Variants in SOX6 observed in about 807,000 individuals in gnomAD.
SOX6 encodes the protein SRY-box transcription factor 6, also known as transcription factor SOX-6.
A neutral mutation model predicts 97.8 loss-of-function variants in SOX6; 11 were observed. The ratio of observed to expected loss-of-function variants is 0.11; its 90% confidence interval spans 0.07 to 0.19. The LOEUF (loss-of-function observed/expected upper bound fraction) is 0.19. SOX6 is among the 10% of genes least tolerant of loss of function. SOX6 has a pLI of 1.00. For missense variants in SOX6, 810 were observed against 1,039.5 expected (o/e 0.78, Z 3.04); for synonymous variants, 360 against 371.4 (o/e 0.97, Z 0.35).
At chr11:16,072,439 G>C (rs1229050004) in intron 9 of SOX6, among the ~76,000 whole-genome samples, 1 of 152,070 alleles carries the variant, frequency 6.6e-6, no homozygotes, top group Non-Finnish European at 1.5e-5. Context: ...CAAGAAATAT[G>C]GGATTATGTA....
At chr11:16,513,940 T>C (rs1303639347) in intron 4 of SOX6, among the ~76,000 whole-genome samples, 1 of 151,548 alleles carries the variant, frequency 6.6e-6, no homozygotes. Context: ...TGCAAACTGT[T>C]GGGATTACAC....
chr11:16,154,324 A>G (rs1850541254), intron 6 of SOX6, among the ~76,000 whole-genome samples: 1 of 152,222 alleles, frequency 6.6e-6, no homozygotes. Flanking sequence ...AACAATCATT[A>G]CAATAGAATA....
chr11:16,727,647 A>G (rs986072543), intron 2 of SOX6, among the ~76,000 whole-genome samples: 1 of 151,448 alleles, frequency 6.6e-6, no homozygotes, highest in Non-Finnish European at 1.5e-5. Flanking sequence ...CATCTTGGCC[A>G]GGCTGGTCTC....
intron 3 of SOX6, among the ~76,000 whole-genome samples, chr11:16,306,612 TTTTTTTTTTTTTTTC>T (rs1855442254): frequency 8.4e-6 from 1 of 118,698 alleles, no homozygotes. Context: ...CTCAAATTTC[TTTTTTTTTTTTTTTC>T]TTTTTTTTTT....
At chr11:16,081,983 T>C (rs1464094261) in intron 9 of SOX6, among the ~76,000 whole-genome samples, 1 of 152,190 alleles carries the variant, frequency 6.6e-6, no homozygotes, top group Non-Finnish European at 1.5e-5. Flanking sequence ...AGAGCCTGAT[T>C]AGGTTCCCAC....
chr11:16,431,504 GCTCTCTGGGAAT>G (rs1049371937), intron 1 of SOX6, among the ~76,000 whole-genome samples: 7 of 152,014 alleles, frequency 4.6e-5, no homozygotes, highest in Admixed American at 3.9e-4. Flanking sequence ...ACATCCCAAT[GCTCTCTGGGAAT>G]TTCTGGCCAA....
chr11:16,515,233 G>T (rs551926621), intron 4 of SOX6, among the ~76,000 whole-genome samples: 3 of 152,120 alleles, frequency 2.0e-5, no homozygotes, highest in African/African-American at 4.8e-5. Flanking sequence ...TTTAATGATC[G>T]CCACTTTAAC....
At chr11:16,155,234 A>T (rs1850566814) in intron 6 of SOX6, among the ~76,000 whole-genome samples, 1 of 152,128 alleles carries the variant, frequency 6.6e-6, no homozygotes, top group Non-Finnish European at 1.5e-5. Context: ...GAGAGGCAGC[A>T]GAGTGTAGTG....
chr11:16,723,051 A>G (rs1388870348), intron 2 of SOX6, among the ~76,000 whole-genome samples: 1 of 152,254 alleles, frequency 6.6e-6, no homozygotes, highest in East Asian at 1.9e-4. Flanking sequence ...TACTATTCAC[A>G]GTAGCAAAGA....
chr11:16,664,362 G>A (rs925821825), intron 3 of SOX6, among the ~76,000 whole-genome samples: 2 of 152,186 alleles, frequency 1.3e-5, no homozygotes, highest in African/African-American at 4.8e-5. Flanking sequence ...ACAAGGAGTG[G>A]AGAAAGAATC....
intron 3 of SOX6, among the ~76,000 whole-genome samples, chr11:16,286,453 CT>C (rs1012474532): frequency 2.0e-5 from 3 of 152,096 alleles, no homozygotes; most frequent in Admixed American, 6.6e-5. Context: ...TAATATATAA[CT>C]AAGAGATACA....
chr11:16,356,002 C>T (rs1857063062), intron 1 of SOX6, among the ~76,000 whole-genome samples, 92 bp downstream of exon 1: 1 of 151,938 alleles, frequency 6.6e-6, no homozygotes, highest in East Asian at 1.9e-4. Flanking sequence ...CATCATCCCA[C>T]CCAATCAGGT....
intron 9 of SOX6, among the ~76,000 whole-genome samples, chr11:16,092,408 G>A (rs1848711283): frequency 1.3e-5 from 2 of 151,954 alleles, no homozygotes; most frequent in Admixed American, 6.6e-5. Context: ...CATTAAGACT[G>A]GCAGTGCCGC....
At chr11:16,527,943 C>T (rs1861191862) in intron 4 of SOX6, among the ~76,000 whole-genome samples, 1 of 152,036 alleles carries the variant, frequency 6.6e-6, no homozygotes, top group Admixed American at 6.6e-5. Context: ...ACATAACAAC[C>T]TCAAAATCTT....
chr11:16,302,031 T>A (rs2134275084), intron 3 of SOX6, among the ~76,000 whole-genome samples: 1 of 152,182 alleles, frequency 6.6e-6, no homozygotes, highest in South Asian at 2.1e-4. Flanking sequence ...CACTCCTAAT[T>A]AGCAACCTCA....
intron 13 of SOX6, among the ~76,000 whole-genome samples, chr11:16,007,086 C>T (rs948550206): frequency 7.2e-5 from 11 of 152,012 alleles, no homozygotes; most frequent in Admixed American, 2.0e-4. Context: ...AAAAAACAGT[C>T]ATGCATTGCT....
At chr11:16,047,368 C>T (rs1356602953) in intron 11 of SOX6, among the ~76,000 whole-genome samples, 5 of 152,020 alleles carry the variant, frequency 3.3e-5, no homozygotes, top group African/African-American at 1.2e-4. Context: ...CCACCCCCAG[C>T]TCGAACACCC....
At chr11:16,285,017 T>C (rs921490089) in intron 3 of SOX6, among the ~76,000 whole-genome samples, 4 of 152,228 alleles carry the variant, frequency 2.6e-5, no homozygotes, top group African/African-American at 9.6e-5. Flanking sequence ...AGATTATAAA[T>C]TATAATTTTT....
intron 1 of SOX6, among the ~76,000 whole-genome samples, chr11:16,364,400 T>C (rs1355500430): frequency 1.3e-5 from 2 of 152,124 alleles, no homozygotes; most frequent in African/African-American, 2.4e-5. Flanking sequence ...AAAGGAAATC[T>C]TCCTGAGCTG....
Sources: gnomAD v4.1 joint callset for allele counts (sites outside exome capture counted in the v4.1 genomes callset) on GRCh38, gnomAD v4.1.1 for gene constraint, MANE v1.5 for transcripts, NCBI Gene and HGNC (gene_info 2026-07-23, HGNC 2026-07-21) for gene names.